BAZ2B: variants seen among roughly 807,000 people sequenced by gnomAD.
BAZ2B encodes bromodomain adjacent to zinc finger domain 2B.
In BAZ2B, 91 loss-of-function variants were observed where a neutral mutation model predicts 246.0. The ratio of observed to expected loss-of-function variants is 0.37; its 90% CI spans 0.31 to 0.44. The LOEUF is 0.44. BAZ2B is among the 20% of genes least tolerant of loss of function. The pLI is 1.00. For synonymous variants in BAZ2B, 855 were observed against 860.0 expected, an observed-to-expected ratio of 0.99 and a Z score of 0.10; for missense variants, 2,332 against 2,533.7, an observed-to-expected ratio of 0.92 and a Z score of 1.71.
intron 11 of BAZ2B, among the ~76,000 whole-genome samples, 169 bp from the exon 12 acceptor site, chr2:159,428,588 T>C (rs1340007683): frequency 6.6e-6 from 1 of 152,220 alleles, no homozygotes; most frequent in Non-Finnish European, 1.5e-5. Flanking sequence ...TTTAGATTTT[T>C]AGCTAATTCA....
chr2:159,547,375 A>T (rs1459122234), intron 2 of BAZ2B, among the ~76,000 whole-genome samples: 1 of 152,104 alleles, frequency 6.6e-6, no homozygotes, highest in African/African-American at 2.4e-5. Context: ...AACAAAAAAA[A>T]TTTTCCATTT....
the BAZ2B span, among the ~76,000 whole-genome samples, chr2:159,632,321 A>T: frequency 1.3e-5 from 2 of 152,228 alleles, no homozygotes; most frequent in African/African-American, 4.8e-5. Flanking sequence ...AGGGGCATCA[A>T]TGTGCTGGGC....
intron 1 of BAZ2B, among the ~76,000 whole-genome samples, chr2:159,603,520 T>C (rs1454395686): frequency 6.6e-6 from 1 of 152,138 alleles, no homozygotes; most frequent in Non-Finnish European, 1.5e-5. Context: ...ATTATCAGTC[T>C]AACATGGATC....
At chr2:159,567,800 C>G (rs1683004380) in intron 1 of BAZ2B, among the ~76,000 whole-genome samples, 1 of 152,006 alleles carries the variant, frequency 6.6e-6, no homozygotes, top group South Asian at 2.1e-4. Context: ...GGTGAAACCC[C>G]ATCTCTACTA....
chr2:159,351,458 A>C, intron 27 of BAZ2B, among the ~76,000 whole-genome samples: 1 of 152,032 alleles, frequency 6.6e-6, no homozygotes, highest in East Asian at 1.9e-4. Flanking sequence ...TGTTCTCCCA[A>C]TTTACTTCCT....
chr2:159,518,928 G>C (rs182463376), intron 2 of BAZ2B, among the ~76,000 whole-genome samples: 42 of 152,282 alleles, frequency 2.8e-4, no homozygotes, highest in African/African-American at 8.9e-4. Flanking sequence ...ACTTAGAATT[G>C]AGAGAAGTTT....
intron 31 of BAZ2B, among the ~76,000 whole-genome samples, chr2:159,346,626 T>G (rs994908381): frequency 1.3e-5 from 2 of 151,864 alleles, no homozygotes; most frequent in African/African-American, 4.8e-5. Flanking sequence ...GAAGTGGAGG[T>G]TGCAGTAAGC....
the BAZ2B span, among the ~76,000 whole-genome samples, chr2:159,647,405 G>C: frequency 6.6e-6 from 1 of 152,116 alleles, no homozygotes; most frequent in African/African-American, 2.4e-5. Context: ...CTCACAGTAG[G>C]ATCAACGTTC....
chr2:159,500,031 A>G (rs1305920522), intron 2 of BAZ2B, among the ~76,000 whole-genome samples: 1 of 152,156 alleles, frequency 6.6e-6, no homozygotes, highest in Non-Finnish European at 1.5e-5. Context: ...ATTAGGTCCC[A>G]TTTATCAGTA....
downstream of BAZ2B, among the ~76,000 whole-genome samples, chr2:159,318,232 C>T (rs1299146640): frequency 6.6e-6 from 1 of 152,176 alleles, no homozygotes; most frequent in Admixed American, 6.5e-5. Flanking sequence ...AAACCAGACA[C>T]TTTTATTCAC....
intron 21 of BAZ2B, among the ~76,000 whole-genome samples, chr2:159,388,708 GGT>G (rs200418467): frequency 0.014 from 2,125 of 152,070 alleles, 32 homozygotes; most frequent in Middle Eastern, 0.071. Context: ...GTTCAATAAA[GGT>G]TTGCCACCTA....
intron 13 of BAZ2B, among the ~76,000 whole-genome samples, chr2:159,424,101 T>C (rs2069309002): frequency 6.6e-6 from 1 of 152,224 alleles, no homozygotes; most frequent in Non-Finnish European, 1.5e-5. Context: ...TGCATGTAAA[T>C]ATGCCACAAT....
chr2:159,523,083 A>G (rs1218431359), intron 2 of BAZ2B, among the ~76,000 whole-genome samples: 1 of 152,116 alleles, frequency 6.6e-6, no homozygotes, highest in African/African-American at 2.4e-5. Context: ...CCCAGGCAAC[A>G]CAACGAGACC....
At chr2:159,712,223 G>A in the BAZ2B span, 2 of 152,102 alleles carry the variant, frequency 1.3e-5, no homozygotes, top group African/African-American at 4.8e-5. Context: ...GACGGGCGGG[G>A]ACCGCCCCGG....
intron 33 of BAZ2B, among the ~76,000 whole-genome samples, chr2:159,333,306 T>C (rs1348809226): frequency 6.6e-6 from 1 of 152,036 alleles, no homozygotes; most frequent in African/African-American, 2.4e-5. Flanking sequence ...TACAAAATGG[T>C]TTCTAAGGAA....
At chr2:159,531,135 AAG>A (rs1440707782) in intron 2 of BAZ2B, among the ~76,000 whole-genome samples, 3 of 152,198 alleles carry the variant, frequency 2.0e-5, no homozygotes, top group Non-Finnish European at 4.4e-5. Context: ...GTTTTATTTA[AAG>A]AGAGTTTTAC....
At chr2:159,619,426 G>A (rs1404660896), upstream of BAZ2B, among the ~76,000 whole-genome samples, 2 of 151,614 alleles carry the variant, frequency 1.3e-5, no homozygotes, top group Non-Finnish European at 1.5e-5. Flanking sequence ...CAGGAAATAT[G>A]TGACATTCCC....
rs145835192 is a variant in BAZ2B at position 159,413,696 on chromosome 2, G to A, written c.2467-1151C>T. On this transcript the variant is annotated intron_variant, in intron 13 of 36. Coordinates refer to ENST00000392783, the MANE Select transcript of BAZ2B (RefSeq NM_013450.4). ...GCACTCCAGCCTGCAGGATAAGAGC[G>A]AGACTTCATCTCTAAATAAATAAAT... 5.9e-3 allele frequency among the ~76,000 whole-genome samples: 901 copies of A among 151,464 alleles called. 5 individuals carry two copies. Among genetic ancestry groups the A allele is most frequent in the African/African-American group, 0.021 (843 of 40,972 alleles).
At chr2:159,416,324 C>T (rs1274041683) in intron 13 of BAZ2B, among the ~76,000 whole-genome samples, 1 of 152,126 alleles carries the variant, frequency 6.6e-6, no homozygotes, top group East Asian at 1.9e-4. Flanking sequence ...ACAAAGTGTA[C>T]TTTTAGGCCA....
Sources: gnomAD v4.1 joint callset for allele counts (sites outside exome capture counted in the v4.1 genomes callset) on GRCh38, gnomAD v4.1.1 for gene constraint, MANE v1.5 for transcripts, NCBI Gene and HGNC (gene_info 2026-07-23, HGNC 2026-07-21) for gene names.